Variants in NRXN2 observed in about 807,000 individuals in gnomAD.
NRXN2 encodes neurexin-2-beta.
NRXN2 carries 29 observed loss-of-function variants against 128.8 expected under a neutral mutation model. That is an observed-to-expected ratio of 0.23 (90% CI 0.17 to 0.31). NRXN2 has a LOEUF of 0.31. Among genes scored for constraint, NRXN2 ranks in the 10% least tolerant of loss-of-function variants. NRXN2 has a pLI of 1.00. For missense variants in NRXN2, 1,881 were observed against 2,452.6 expected, an observed-to-expected ratio of 0.77 and a Z score of 4.92; for synonymous variants, 1,098 against 1,075.2, an observed-to-expected ratio of 1.02 and a Z score of -0.41.
chr11:64,712,847 A>C (rs542013175), intron 2 of NRXN2, 123 bp downstream of exon 2: 4 of 894,104 alleles, frequency 4.5e-6, no homozygotes, highest in African/African-American at 1.7e-5. Context: ...GCTCGCACCC[A>C]CTCACAAGCC....
chr11:64,643,675 C>G (rs1490228990), intron 17 of NRXN2, among the ~76,000 whole-genome samples: 1 of 151,508 alleles, frequency 6.6e-6, no homozygotes, highest in African/African-American at 2.4e-5. Context: ...GGCTCCCGAT[C>G]TGCGGGCGGC....
At chr11:64,609,829 C>G (rs148075452) in intron 22 of NRXN2, among the ~76,000 whole-genome samples, 82 of 152,206 alleles carry the variant, frequency 5.4e-4, no homozygotes, top group African/African-American at 1.9e-3. Flanking sequence ...GAGTGCCTCT[C>G]GCTGGTCTCT....
At chr11:64,688,684 C>T (rs2053424951) in intron 5 of NRXN2, 1 of 985,266 alleles carries the variant, frequency 1.0e-6, no homozygotes, top group Non-Finnish European at 1.2e-6. Flanking sequence ...AAGATAATAG[C>T]TGATGCTCGT....
chr11:64,690,476 A>C lies in NRXN2; in HGVS notation c.779T>G (p.Val260Gly). The change falls in exon 5 of 23, where the codon GTA (valine) becomes GGA (glycine). Residue 260 changes from valine (V) to glycine (G), a missense_variant and splice_region_variant. Transcript: ENST00000265459. ...CCCCTCGGAGAACAGTAAGGACCCT[A>C]CTGGAGAAGCAGAATTGGGGAGTCA... is the stretch of plus-strand genomic sequence containing the variant. ...GPAHLTLNSE[V>G]GSLLFSEGGA... The C allele has an allele frequency of 6.2e-7, 1 of 1,613,120 alleles. No homozygotes were observed. Among genetic ancestry groups the C allele is most frequent in the Non-Finnish European group, 8.5e-7 (1 of 1,179,744 alleles).
In NRXN2 at chr11:64,713,276, G is replaced by A; in HGVS notation, c.424C>T (p.Arg142Cys). ...AGGTCGCTGGCCACCTGCATCTCGCGCCGCTTGGAGCGCACCTCGGCGGCG... is the reference window on the plus strand; with the variant it reads ...AGGTCGCTGGCCACCTGCATCTCGCACCGCTTGGAGCGCACCTCGGCGGCG... ...ARAAEVRSKR[R>C]EMQVASDLFV... The change falls in exon 2 of 23, where the codon CGC becomes TGC. Residue 142 changes from arginine to cysteine, a missense_variant. This residue lies in a region of NRXN2 where 997 missense variants were observed against 1,240.8 expected (regional missense o/e 0.80). Coordinates refer to ENST00000265459, the MANE Select transcript of NRXN2 (RefSeq NM_015080.4). 2 of 1,403,018 alleles carry A rather than the reference G, an allele frequency of 1.4e-6. No individual in the cohort carries two copies. Among genetic ancestry groups the A allele is most frequent in the South Asian group, 3.0e-5 (2 of 67,228 alleles). 86.9% of individuals were successfully genotyped at this position (1,403,018 alleles called of 1,614,324 possible).
intron 1 of NRXN2, among the ~76,000 whole-genome samples, chr11:64,716,908 AC>A (rs757778898): frequency 2.6e-5 from 4 of 152,138 alleles, no homozygotes; most frequent in Non-Finnish European, 5.9e-5. Context: ...TGTCCAGGAA[AC>A]TTGCTGCTCT....
chr11:64,707,920 C>T (rs1435273532), intron 2 of NRXN2, among the ~76,000 whole-genome samples: 2 of 152,038 alleles, frequency 1.3e-5, no homozygotes, highest in African/African-American at 2.4e-5. Context: ...ATGGAGAAAC[C>T]CCATCTCTAC....
At chr11:64,701,285 C>CT (rs1247450604) in intron 2 of NRXN2, among the ~76,000 whole-genome samples, 2 of 152,340 alleles carry the variant, frequency 1.3e-5, no homozygotes, top group Non-Finnish European at 2.9e-5. Context: ...CGAAATTTGA[C>CT]TGTTTCTTCC....
At chr11:64,670,359 G>A (rs2050468826) in intron 7 of NRXN2, among the ~76,000 whole-genome samples, 1 of 152,134 alleles carries the variant, frequency 6.6e-6, no homozygotes, top group Non-Finnish European at 1.5e-5. Flanking sequence ...GTAGAAGAGG[G>A]AAGGGTCAAA....
chr11:64,719,547 G>T (rs500531), intron 1 of NRXN2, among the ~76,000 whole-genome samples: 76,569 of 152,100 alleles, frequency 0.5, 22,667 homozygotes, highest in Non-Finnish European at 0.69. Flanking sequence ...CTGGGCCCAG[G>T]AGCTGGTAGC....
rs769627058 is a variant in NRXN2, at chr11:64,667,586, C to T, written c.1462G>A (p.Asp488Asn). ...GTCACAGGGTCCAGGGCAGCCACAT[C>T]CTCACAGCGGAATGACAAGTCCCCC... Reference protein sequence around the residue: ...LQGDLSFRCEDVAALDPVTFE... With the variant: ...LQGDLSFRCENVAALDPVTFE... The change falls in exon 9 of 23, where the codon GAT becomes AAT. Residue 488 changes from aspartate to asparagine, a missense_variant. Physicochemically the swap from Asp to Asn is conservative, Grantham distance 23 (BLOSUM62 1). Around this residue, in one of 7 missense-constraint regions of NRXN2, gnomAD observed 997 missense variants for 1,240.8 expected, o/e 0.80. Transcript: ENST00000265459. The surrounding 1 kb of genome is among the most constrained non-coding windows in gnomAD (Gnocchi z 5.6). 15 of 1,614,248 alleles carry T rather than the reference C, an allele frequency of 9.3e-6. No individual in the cohort carries two copies. The highest frequency in any genetic ancestry group is 1.3e-5 in the Non-Finnish European group (15 of 1,180,042).
intron 2 of NRXN2, among the ~76,000 whole-genome samples, chr11:64,701,567 G>A (rs2055363044): frequency 6.6e-6 from 1 of 152,136 alleles, no homozygotes; most frequent in African/African-American, 2.4e-5. Context: ...AGGGAGACCC[G>A]TCTCTACAAA....
At chr11:64,608,145 GCA>G (rs2040004741) in intron 22 of NRXN2, 63 bp from the exon 23 acceptor site, 1 of 1,250,652 alleles carries the variant, frequency 8.0e-7, no homozygotes, top group Non-Finnish European at 1.1e-6. Flanking sequence ...CAGGCGGCCG[GCA>G]CAGAGAGAGA....
intron 22 of NRXN2, among the ~76,000 whole-genome samples, chr11:64,619,760 C>T (rs759494528): frequency 6.6e-6 from 1 of 152,194 alleles, no homozygotes; most frequent in Non-Finnish European, 1.5e-5. Flanking sequence ...CTCACCTTGG[C>T]CTGGCAGTCC....
chr11:64,672,650 C>A (rs1018365559), intron 7 of NRXN2, among the ~76,000 whole-genome samples: 1 of 152,090 alleles, frequency 6.6e-6, no homozygotes, highest in African/African-American at 2.4e-5. Context: ...TTAAGAGCAA[C>A]TAGTCTAGGG....
At chr11:64,688,563 A>G (rs1364986537) in intron 5 of NRXN2, 1 of 985,116 alleles carries the variant, frequency 1.0e-6, no homozygotes, top group Non-Finnish European at 1.2e-6. Context: ...ACAAGCCCTG[A>G]AGCACCAGGG....
intron 11 of NRXN2, among the ~76,000 whole-genome samples, chr11:64,658,739 A>G (rs2048611992): frequency 6.6e-6 from 1 of 152,272 alleles, no homozygotes; most frequent in African/African-American, 2.4e-5. Context: ...TAAAAGTTCA[A>G]AGTTCAGCCA....
In NRXN2 at chr11:64,607,174, A is replaced by G. The variant is rs775404208; in HGVS notation, c.*22T>C. The G allele has an allele frequency of 6.2e-7, 1 of 1,606,096 alleles. No homozygotes were observed. Among genetic ancestry groups the G allele is most frequent in the Non-Finnish European group, 8.5e-7 (1 of 1,174,590 alleles). On this transcript the variant is annotated 3_prime_UTR_variant, in exon 23 of 23. Coordinates refer to ENST00000265459, the MANE Select transcript of NRXN2 (RefSeq NM_015080.4). ...GGCCCTCCCAGGAGGGGCAGCTGGC[A>G]GTGGGGCGCAGTGCCGGGGGCTCAG...
At chr11:64,663,251 C>T (rs2049312821) in intron 9 of NRXN2, among the ~76,000 whole-genome samples, 1 of 151,946 alleles carries the variant, frequency 6.6e-6, no homozygotes, top group Non-Finnish European at 1.5e-5. Flanking sequence ...TCTGCAATCC[C>T]AGCTACTCAA....
Sources: gnomAD v4.1 joint callset for allele counts (sites outside exome capture counted in the v4.1 genomes callset) on GRCh38, gnomAD v4.1.1 for gene constraint, gnomAD v4.1.1 regional missense constraint, Gnocchi (gnomAD v3.1) non-coding constraint, MANE v1.5 for transcripts, NCBI Gene and HGNC (gene_info 2026-07-23, HGNC 2026-07-21) for gene names.